Variants in CNGB1 observed in about 807,000 individuals in gnomAD.
CNGB1 encodes cyclic nucleotide gated channel subunit beta 1.
Under a neutral mutation model 151.7 loss-of-function variants are expected in CNGB1, and 126 were observed. That is an observed-to-expected ratio of 0.83 (90% confidence interval 0.72 to 0.96). The LOEUF (loss-of-function observed/expected upper bound fraction) is 0.96. Among genes scored for constraint, CNGB1 ranks in the 40% least tolerant of loss-of-function variants. The pLI is 0.00. For synonymous variants in CNGB1, 623 were observed against 635.1 expected (o/e 0.98, Z 0.29); for missense variants, 1,698 against 1,627.0 (o/e 1.04, Z -0.75).
At chr16:57,897,724 G>A (rs1283493731) in intron 30 of CNGB1, 72 bp downstream of exon 30, 16 of 1,549,720 alleles carry the variant, frequency 1.0e-5, no homozygotes, top group Admixed American at 1.7e-5. Context: ...GTAGACACTC[G>A]CACTGCCCGC....
At chr16:57,885,718 C>A (rs931399171) in intron 32 of CNGB1, among the ~76,000 whole-genome samples, 4 of 151,928 alleles carry the variant, frequency 2.6e-5, no homozygotes, top group Admixed American at 2.0e-4. Flanking sequence ...CTCAGCCTCC[C>A]GAGTAGCTGG....
chr16:57,943,317 A>C (rs1205772095), intron 14 of CNGB1, among the ~76,000 whole-genome samples: 1 of 152,204 alleles, frequency 6.6e-6, no homozygotes, highest in Admixed American at 6.5e-5. Flanking sequence ...TCATCAGAGA[A>C]ATGCAAATCA....
At chr16:57,901,650 C>T in intron 27 of CNGB1, 25 bp from the exon 28 acceptor site, 2 of 1,603,026 alleles carry the variant, frequency 1.2e-6, no homozygotes, top group Non-Finnish European at 1.7e-6. Flanking sequence ...TGGCAAGGGT[C>T]AGAGGCAAGG....
At chr16:57,943,464 G>A (rs1265501814) in intron 14 of CNGB1, among the ~76,000 whole-genome samples, 1 of 152,166 alleles carries the variant, frequency 6.6e-6, no homozygotes, top group Non-Finnish European at 1.5e-5. Flanking sequence ...GAGGTCAGGA[G>A]TTCGAGACCA....
At chr16:57,955,875 C>T (rs900910042) in intron 12 of CNGB1, among the ~76,000 whole-genome samples, 7 of 152,198 alleles carry the variant, frequency 4.6e-5, no homozygotes, top group South Asian at 4.1e-4. Flanking sequence ...CCTGCTAAAG[C>T]CTTGACCCTG....
At chr16:57,960,985 G>A in intron 7 of CNGB1, 70 bp from the exon 8 acceptor site, 1 of 1,436,608 alleles carries the variant, frequency 7.0e-7, no homozygotes, top group Middle Eastern at 1.8e-4. Flanking sequence ...CCCACCTCGG[G>A]GCCAGGCCTC....
chr16:57,936,800 A>AAAC (rs1491223131), intron 16 of CNGB1, among the ~76,000 whole-genome samples: 3 of 70,954 alleles, frequency 4.2e-5, no homozygotes, highest in African/African-American at 4.1e-4. Context: ...ACAAACAAAC[A>AAAC]AAAAAAAAAC....
intron 29 of CNGB1, among the ~76,000 whole-genome samples, chr16:57,899,717 A>C (rs1960334942): frequency 6.6e-6 from 1 of 152,156 alleles, no homozygotes; most frequent in South Asian, 2.1e-4. Context: ...CACACTTTTG[A>C]CTTATTTGAC....
chr16:57,949,573 T>A, intron 13 of CNGB1, 134 bp from the exon 14 acceptor site: 1 of 1,442,036 alleles, frequency 6.9e-7, no homozygotes, highest in Non-Finnish European at 9.6e-7. Flanking sequence ...AGGCTCAACC[T>A]GGGGAGCCCC....
chr16:57,962,765 A>C, intron 6 of CNGB1, 77 bp downstream of exon 6: 1 of 1,593,774 alleles, frequency 6.3e-7, no homozygotes, highest in Non-Finnish European at 8.6e-7. Flanking sequence ...GAGGCTCCCA[A>C]GGGGCAGGGC....
At chr16:57,927,296 G>T (rs1480864159) in intron 17 of CNGB1, among the ~76,000 whole-genome samples, 1 of 152,192 alleles carries the variant, frequency 6.6e-6, no homozygotes, top group African/African-American at 2.4e-5. Context: ...TGGAAAGAGG[G>T]ACTTGCTCAA....
chr16:57,931,451 C>T (rs1305899565), intron 17 of CNGB1, among the ~76,000 whole-genome samples: 5 of 152,054 alleles, frequency 3.3e-5, no homozygotes, highest in African/African-American at 4.8e-5. Context: ...CACCGTGCCT[C>T]GCTATTACTA....
Position 57,911,251 on chromosome 16 carries a change from G to A in CNGB1, c.2492+502C>T, listed in dbSNP as rs576572005. On this transcript the variant is annotated intron_variant, in intron 25 of 32. Coordinates refer to ENST00000251102, the MANE Select transcript of CNGB1 (RefSeq NM_001297.5). ...CGGCCTGGCACATGCAGGTGCTCAG[G>A]AAACCTTAGCTTGGGGAAGATGTAG... is the stretch of plus-strand genomic sequence containing the variant. 2.2e-4 allele frequency among the ~76,000 whole-genome samples: 34 copies of A among 152,326 alleles called. 1 individual carries two copies. Among genetic ancestry groups the A allele is most frequent in the Admixed American group, 1.3e-3 (20 of 15,300 alleles).
rs530197275 is a variant in CNGB1, at chr16:57,942,115, C to T, written c.1122-1794G>A. Among the ~76,000 whole-genome samples, 3 of 152,236 alleles carry T rather than the reference C, an allele frequency of 2.0e-5. No individual in the cohort carries two copies. The South Asian group carries it at 6.2e-4, about 32-fold the overall frequency. On this transcript the variant is annotated intron_variant, in intron 14 of 32. Transcript: ENST00000251102. ...CAGGCTGGTCTCAAACTCCTGGGCT[C>T]AAGTGATCCTCCCACCTTGGTCTCC...
chr16:57,907,211 C>A (rs1290481633), intron 25 of CNGB1, among the ~76,000 whole-genome samples: 4 of 152,198 alleles, frequency 2.6e-5, no homozygotes, highest in Admixed American at 1.3e-4. Context: ...CTGCCCCACC[C>A]CTGCCCTGCT....
At chr16:57,925,368 A>C (rs1298442924) in intron 17 of CNGB1, among the ~76,000 whole-genome samples, 1 of 152,218 alleles carries the variant, frequency 6.6e-6, no homozygotes, top group Non-Finnish European at 1.5e-5. Context: ...GAATAGACTA[A>C]TACAGGAATT....
In CNGB1 at chr16:57,964,514, C is replaced by A. The variant is rs1962341778; in HGVS notation, c.190G>T (p.Val64Leu). The change falls in exon 3 of 33, where the codon GTG becomes TTG. Residue 64 changes from valine to leucine, a missense_variant. Transcript: ENST00000251102. ...TGAGGGCTTGGGTCTGCCACAGCCA[C>A]TTCCTCCTCCTTGAATGACTCTTCG... ...PPEESFKEEE[V>L]AVADPSPQET... 2 of 1,614,184 alleles carry A rather than the reference C, an allele frequency of 1.2e-6. No homozygotes were observed. The highest frequency in any genetic ancestry group is 4.5e-5 in the East Asian group (2 of 44,880).
chr16:57,907,761 G>A (rs1596966778), intron 25 of CNGB1, among the ~76,000 whole-genome samples: 1 of 152,162 alleles, frequency 6.6e-6, no homozygotes, highest in East Asian at 1.9e-4. Context: ...TCAGGAGCAG[G>A]GCTGTGAATG....
At chr16:57,960,953 G>A in intron 7 of CNGB1, 38 bp from the exon 8 acceptor site, 1 of 1,602,102 alleles carries the variant, frequency 6.2e-7, no homozygotes, top group Non-Finnish European at 8.5e-7. Flanking sequence ...TGCCCTGAGG[G>A]AACCGGCCAG....
Sources: gnomAD v4.1 joint callset for allele counts (sites outside exome capture counted in the v4.1 genomes callset) on GRCh38, gnomAD v4.1.1 for gene constraint, MANE v1.5 for transcripts, NCBI Gene and HGNC (gene_info 2026-07-23, HGNC 2026-07-21) for gene names.